Variants in TUBD1 observed in about 807,000 individuals in gnomAD.
TUBD1 encodes the protein tubulin delta chain.
In TUBD1, 38 loss-of-function variants were observed where a neutral mutation model predicts 51.2. That is an observed-to-expected ratio of 0.74 (90% CI 0.57 to 0.97). The LOEUF (loss-of-function observed/expected upper bound fraction) is 0.97, where lower values mean the gene tolerates loss of function less well. TUBD1 is among the 50% of genes least tolerant of loss of function. TUBD1 has a pLI of 0.00. For synonymous variants in TUBD1, 169 were observed against 178.2 expected (o/e 0.95, Z 0.41); for missense variants, 489 against 538.4 (o/e 0.91, Z 0.91).
chr17:59,885,997 T>C, intron 3 of TUBD1, 86 bp downstream of exon 3: 1 of 1,400,974 alleles, frequency 7.1e-7, no homozygotes, highest in Non-Finnish European at 9.8e-7. Context: ...GTGCTTGGTA[T>C]ATCAACTATA....
intron 3 of TUBD1, chr17:59,885,293 T>G: frequency 1.7e-6 from 1 of 601,964 alleles, no homozygotes; most frequent in South Asian, 1.6e-5. Flanking sequence ...CAGCTGGACC[T>G]GAGATTGAAC....
intron 8 of TUBD1, 60 bp downstream of exon 8, chr17:59,863,604 G>C (rs1310812986): frequency 7.5e-7 from 1 of 1,338,386 alleles, no homozygotes; most frequent in Non-Finnish European, 9.8e-7. Flanking sequence ...GCAACAGAGT[G>C]AGACTCTGTC....
chr17:59,888,804 C>T lies in TUBD1; in HGVS notation c.172+2027G>A, dbSNP rs759635126. Among the ~76,000 whole-genome samples, 8 of 151,750 alleles carry T rather than the reference C, an allele frequency of 5.3e-5. No homozygotes were observed. In the South Asian group the frequency reaches 6.3e-4, roughly 12 times the overall value. On this transcript the variant is annotated intron_variant, in intron 2 of 8. Transcript: ENST00000325752. The stretch of plus-strand genomic sequence containing the variant: ...GTACAATGGCACACTCTCCGACTCC[C>T]GGGTTCAAGCGATTCTCCTGCCTCA...
At chr17:59,892,584 G>C (rs2041166863) in intron 1 of TUBD1, 113 bp downstream of exon 1, 1 of 152,660 alleles carries the variant, frequency 6.6e-6, no homozygotes, top group African/African-American at 2.4e-5. Flanking sequence ...AGGAAACTGA[G>C]GCTCTGAAAG....
At chr17:59,881,488 T>C (rs2040486606) in intron 3 of TUBD1, among the ~76,000 whole-genome samples, 1 of 152,228 alleles carries the variant, frequency 6.6e-6, no homozygotes, top group Admixed American at 6.5e-5. Flanking sequence ...GAAAGTTCTC[T>C]TTATTTTTGA....
chr17:59,861,342 G>A (rs1247693971), intron 8 of TUBD1, among the ~76,000 whole-genome samples: 1 of 151,734 alleles, frequency 6.6e-6, no homozygotes, highest in Non-Finnish European at 1.5e-5. Flanking sequence ...GGAATTACAG[G>A]TGCGTACCAC....
At position 59,860,175 on chromosome 17, in the gene TUBD1, C is replaced by T. The variant is rs565983826; in HGVS notation, c.*147G>A. 762 of 584,492 alleles carry T rather than the reference C, an allele frequency of 1.3e-3. 3 individuals carry two copies. The highest frequency in any genetic ancestry group is 4.1e-3 in the Middle Eastern group (10 of 2,436). 36.2% of individuals were successfully genotyped at this position (584,492 alleles called of 1,614,324 possible). A position where few individuals can be genotyped will look rare whatever the true frequency, so the allele number is the denominator to read the frequency against. On this transcript the variant is annotated 3_prime_UTR_variant, in exon 9 of 9. Transcript: ENST00000325752. ...GGACTACAGGCACCCGCCACCGCGC[C>T]TGGCTAATTTTTTGTATTTTCTGGT...
At chr17:59,886,308 TAA>T (rs2040722726) in intron 2 of TUBD1, 78 bp from the exon 3 acceptor site, 3 of 1,330,244 alleles carry the variant, frequency 2.3e-6, no homozygotes, top group South Asian at 3.3e-5. Flanking sequence ...TCAGAGCATC[TAA>T]GTGTCCAAAT....
intron 8 of TUBD1, among the ~76,000 whole-genome samples, chr17:59,860,996 GTA>G (rs375851682): frequency 2.0e-5 from 3 of 150,474 alleles, no homozygotes; most frequent in Non-Finnish European, 4.4e-5. Flanking sequence ...TATCTACTCA[GTA>G]TATATATATA....
chr17:59,871,331 C>T (rs972338815), intron 6 of TUBD1, among the ~76,000 whole-genome samples: 1 of 152,094 alleles, frequency 6.6e-6, no homozygotes, highest in South Asian at 2.1e-4. Flanking sequence ...TCCTGAGTAG[C>T]TGGGACTACA....
At chr17:59,878,756 G>T in intron 4 of TUBD1, 1 of 166,736 alleles carries the variant, frequency 6.0e-6, no homozygotes, top group East Asian at 1.7e-4. Context: ...TGGGATTATA[G>T]GCGTGAGCCA....
At chr17:59,860,875 C>T (rs1263054942) in intron 8 of TUBD1, among the ~76,000 whole-genome samples, 1 of 152,004 alleles carries the variant, frequency 6.6e-6, no homozygotes. Flanking sequence ...GTGTGAGCCA[C>T]CACGCCCAGC....
chr17:59,891,183 T>G, intron 1 of TUBD1, 142 bp from the exon 2 acceptor site: 1 of 526,590 alleles, frequency 1.9e-6, no homozygotes. Context: ...CAGGCTAGAG[T>G]GCAGTGGCAT....
At chr17:59,875,140 G>A (rs1225345222) in intron 5 of TUBD1, among the ~76,000 whole-genome samples, 11 of 141,254 alleles carry the variant, frequency 7.8e-5, no homozygotes, top group South Asian at 2.2e-4. Flanking sequence ...GTGCAGTGGC[G>A]TGATCTCGGC....
chr17:59,883,977 A>T (rs1458678865), intron 3 of TUBD1, among the ~76,000 whole-genome samples: 1 of 151,886 alleles, frequency 6.6e-6, no homozygotes, highest in East Asian at 1.9e-4. Context: ...TGTGCTGCAC[A>T]TGGCTGGGCA....
chr17:59,880,921 C>T lies in TUBD1; in HGVS notation c.510G>A (p.Gln170=). The T allele has an allele frequency of 3.1e-6, 5 of 1,614,072 alleles. No homozygotes were observed. Among genetic ancestry groups the T allele is most frequent in the Non-Finnish European group, 4.2e-6 (5 of 1,179,984 alleles). The change falls in exon 4 of 9, where the codon CAG becomes CAA. Residue 170 remains glutamine (Q), a synonymous_variant. Coordinates refer to ENST00000325752, the MANE Select transcript of TUBD1 (RefSeq NM_016261.4). ...CACCAGTTCCATAAGGCCAAATAAT[C>T]TGATTCATTTTCAATGAGTTTGAGT... ...DQYSNSLKMN[Q]IIWPYGTGEV... is the part of the protein sequence containing the mutation.
chr17:59,872,096 A>C (rs1383867765), intron 6 of TUBD1, among the ~76,000 whole-genome samples: 3 of 151,980 alleles, frequency 2.0e-5, no homozygotes, highest in African/African-American at 7.3e-5. Flanking sequence ...TGGGATTACA[A>C]GTGTGTGCCA....
chr17:59,880,511 TTTTA>T (rs748728736), intron 4 of TUBD1, among the ~76,000 whole-genome samples: 10 of 152,020 alleles, frequency 6.6e-5, no homozygotes, highest in Non-Finnish European at 1.3e-4. Context: ...CAATCTTTAT[TTTTA>T]TTTATTTATT....
intron 6 of TUBD1, among the ~76,000 whole-genome samples, chr17:59,873,127 G>A (rs956255997): frequency 6.6e-6 from 1 of 152,068 alleles, no homozygotes; most frequent in African/African-American, 2.4e-5. Flanking sequence ...TTATAACTAT[G>A]GAGGCAAATT....
Sources: gnomAD v4.1 joint callset for allele counts (sites outside exome capture counted in the v4.1 genomes callset) on GRCh38, gnomAD v4.1.1 for gene constraint, MANE v1.5 for transcripts, NCBI Gene and HGNC (gene_info 2026-07-23, HGNC 2026-07-21) for gene names.